LMNB1: variants seen among roughly 807,000 people sequenced by gnomAD.
LMNB1 encodes lamin-B1.
Under a neutral mutation model 67.1 loss-of-function variants are expected in LMNB1, and 23 were observed. That is an observed-to-expected ratio of 0.34 (90% CI 0.25 to 0.49). The LOEUF (loss-of-function observed/expected upper bound fraction) is 0.49, where lower values mean the gene tolerates loss of function less well. LMNB1 is among the 20% of genes least tolerant of loss of function. The pLI is 0.99. For missense variants in LMNB1, 634 were observed against 746.5 expected (o/e 0.85, Z 1.76); for synonymous variants, 281 against 282.9 (o/e 0.99, Z 0.07).
chr5:126,777,682 C>A lies in LMNB1; in HGVS notation c.174C>A (p.Ser58Arg). The A allele has an allele frequency of 1.3e-6, 2 of 1,545,144 alleles. No homozygotes were observed. The highest frequency in any genetic ancestry group is 1.7e-6 in the Non-Finnish European group (2 of 1,144,834). ...DKVRSLETEN[S>R]ALQLQVTERE... ...TGCGCAGCCTGGAGACGGAGAACAG[C>A]GCGCTGCAGCTGCAGGTGACGGAGC... The change falls in exon 1 of 11, where the codon AGC becomes AGA. Residue 58 changes from serine (S) to arginine (R), a missense_variant. Transcript: ENST00000261366.
At chr5:126,834,034 A>G (rs1752192962) in intron 10 of LMNB1, among the ~76,000 whole-genome samples, 1 of 152,202 alleles carries the variant, frequency 6.6e-6, no homozygotes, top group Admixed American at 6.5e-5. Context: ...TCTGTTCCAC[A>G]TGCTGCAGAC....
chr5:126,794,174 C>T (rs1751034147), intron 1 of LMNB1, among the ~76,000 whole-genome samples: 1 of 152,196 alleles, frequency 6.6e-6, no homozygotes, highest in African/African-American at 2.4e-5. Context: ...ATCTGCCTGC[C>T]TCGGCCCCCT....
At chr5:126,810,051 C>A in intron 3 of LMNB1, 129 bp from the exon 4 acceptor site, 2 of 763,378 alleles carry the variant, frequency 2.6e-6, no homozygotes, top group Non-Finnish European at 4.1e-6. Context: ...TGTTTATTCA[C>A]ATGACCGCCT....
intron 3 of LMNB1, among the ~76,000 whole-genome samples, chr5:126,807,878 T>C (rs1009497246): frequency 2.6e-5 from 4 of 152,210 alleles, no homozygotes; most frequent in Admixed American, 1.3e-4. Flanking sequence ...TTGTTTTTTT[T>C]AACTCTTTTT....
At chr5:126,786,158 AG>A (rs1315991960) in intron 1 of LMNB1, among the ~76,000 whole-genome samples, 6 of 124,538 alleles carry the variant, frequency 4.8e-5, no homozygotes, top group African/African-American at 1.8e-4. Flanking sequence ...TCTGTCGCCC[AG>A]GCTGGAGTCC....
chr5:126,804,973 A>T (rs758561363), intron 2 of LMNB1, 41 bp downstream of exon 2: 9 of 1,551,044 alleles, frequency 5.8e-6, no homozygotes, highest in East Asian at 2.3e-5. Context: ...TGACAGGTTA[A>T]TTGCCTCATC....
chr5:126,786,172 G>A (rs1580525455), intron 1 of LMNB1, among the ~76,000 whole-genome samples: 1 of 141,292 alleles, frequency 7.1e-6, no homozygotes, highest in African/African-American at 2.6e-5. Context: ...TGGAGTCCTG[G>A]AGTGCAGTGG....
In LMNB1 at chr5:126,822,854, G is replaced by T. The variant is rs1751903296; in HGVS notation, c.1460G>T (p.Arg487Ile). 1 of 1,609,464 alleles carries T rather than the reference G, an allele frequency of 6.2e-7. No individual in the cohort carries two copies. Among genetic ancestry groups the T allele is most frequent in the Admixed American group, 1.7e-5 (1 of 59,948 alleles). The change falls in exon 8 of 11, where the codon AGA (arginine) becomes ATA (isoleucine). Residue 487 changes from arginine to isoleucine, a missense_variant. Coordinates refer to ENST00000261366, the MANE Select transcript of LMNB1 (RefSeq NM_005573.4). ...DTSVSYKYTS[R>I]YVLKAGQTVT... is the part of the protein sequence containing the mutation. The stretch of plus-strand genomic sequence containing the variant: ...TCAGTCAGTTATAAATATACCTCAA[G>T]ATATGTGCTGAAGGCAGGCCAGACT...
Position 126,836,939 on chromosome 5 carries a change from T to G in LMNB1, c.*675T>G. 1 of 398,054 alleles carries G rather than the reference T, an allele frequency of 2.5e-6. No individual in the cohort carries two copies. The allele number at this position is 398,054 out of a possible 1,614,324, so 24.7% of individuals were successfully genotyped here. A position where few individuals can be genotyped will look rare whatever the true frequency, so the allele number is the denominator to read the frequency against. The stretch of plus-strand genomic sequence containing the variant: ...GGAAGGGTTTCTCTATTAAAATGCA[T>G]TCGTTGTGTTTTTTAAGATAGTGTA... On this transcript the variant is annotated 3_prime_UTR_variant, in exon 11 of 11. Transcript: ENST00000261366.
chr5:126,819,260 A>G (rs1258816037), intron 6 of LMNB1, 118 bp downstream of exon 6: 3 of 662,970 alleles, frequency 4.5e-6, no homozygotes, highest in Non-Finnish European at 7.7e-6. Flanking sequence ...CATTTCTTTG[A>G]ACACCTAGGT....
At chr5:126,824,859 C>CCCCT (rs1751958756) in intron 8 of LMNB1, among the ~76,000 whole-genome samples, 1 of 113,968 alleles carries the variant, frequency 8.8e-6, no homozygotes, top group Non-Finnish European at 1.9e-5. Flanking sequence ...CCCACCCTTT[C>CCCCT]TTTTTTTTGA....
chr5:126,804,358 G>A (rs1465098321), intron 1 of LMNB1, among the ~76,000 whole-genome samples: 3 of 150,436 alleles, frequency 2.0e-5, no homozygotes, highest in Non-Finnish European at 2.9e-5. Flanking sequence ...GATTACAGAC[G>A]TAAGCCACTG....
chr5:126,827,352 G>A (rs1314525082), intron 9 of LMNB1, among the ~76,000 whole-genome samples: 1 of 152,148 alleles, frequency 6.6e-6, no homozygotes, highest in Admixed American at 6.5e-5. Flanking sequence ...TTCTGATAAA[G>A]GTAATAAAGA....
At chr5:126,835,315 T>G (rs546141814) in intron 10 of LMNB1, among the ~76,000 whole-genome samples, 1 of 152,334 alleles carries the variant, frequency 6.6e-6, no homozygotes, top group East Asian at 1.9e-4. Context: ...TTGAATTGAT[T>G]AGAAATATTT....
At chr5:126,795,933 C>CATTTTTTTTT (rs751492782) in intron 1 of LMNB1, among the ~76,000 whole-genome samples, 1 of 82,084 alleles carries the variant, frequency 1.2e-5, no homozygotes, top group African/African-American at 4.5e-5. Flanking sequence ...GCCCAGGATG[C>CATTTTTTTTT]TTTTTTTTTT....
At chr5:126,785,184 C>T (rs2112924017) in intron 1 of LMNB1, among the ~76,000 whole-genome samples, 1 of 148,492 alleles carries the variant, frequency 6.7e-6, no homozygotes, top group Admixed American at 6.8e-5. Context: ...AACGGGGTTT[C>T]ACCATGTCGG....
chr5:126,811,838 G>C lies in LMNB1; in HGVS notation c.879G>C (p.Leu293=), dbSNP rs1346069963. 4 of 1,613,018 alleles carry C rather than the reference G, an allele frequency of 2.5e-6. No individual in the cohort carries two copies. ...CTGTCAACAGTGCCAGGGAAGAACT[G>C]ATGGAAAGCCGCATGAGAATTGAGA... ...TSTVNSAREE[L]MESRMRIESL... is the part of the protein sequence containing the mutation. The change falls in exon 5 of 11, where the codon CTG becomes CTC. Residue 293 remains leucine, a synonymous_variant. Coordinates refer to ENST00000261366, the MANE Select transcript of LMNB1 (RefSeq NM_005573.4).
At chr5:126,817,480 A>G (rs1751740137) in intron 5 of LMNB1, among the ~76,000 whole-genome samples, 1 of 152,160 alleles carries the variant, frequency 6.6e-6, no homozygotes, top group South Asian at 2.1e-4. Context: ...GTGTATGCAC[A>G]TATTTATAAC....
In LMNB1 at chr5:126,822,813, A is replaced by G. The variant is rs769234673; in HGVS notation, c.1419A>G (p.Arg473=). The change falls in exon 8 of 11, where the codon AGA becomes AGG. Residue 473 remains arginine (R), a synonymous_variant. Transcript: ENST00000261366. The stretch of plus-strand genomic sequence containing the variant: ...CAATGGGAGGCTGGGAGATGATCAG[A>G]AAAATTGGAGACACATCAGTCAGTT... ...DQPMGGWEMI[R]KIGDTSVSYK... 5 of 1,613,108 alleles carry G rather than the reference A, an allele frequency of 3.1e-6. No homozygotes were observed. The highest frequency in any genetic ancestry group is 3.3e-5 in the Admixed American group (2 of 60,000).
Sources: gnomAD v4.1 joint callset for allele counts (sites outside exome capture counted in the v4.1 genomes callset) on GRCh38, gnomAD v4.1.1 for gene constraint, MANE v1.5 for transcripts, NCBI Gene and HGNC (gene_info 2026-07-23, HGNC 2026-07-21) for gene names.